Variants in GPHN observed in about 807,000 individuals in gnomAD.
GPHN encodes the protein gephyrin.
Under a neutral mutation model 95.5 loss-of-function variants are expected in GPHN, and 17 were observed. The observed-to-expected ratio is 0.18, with a 90% CI of 0.12 to 0.27. GPHN has a LOEUF of 0.27. Among genes scored for constraint, GPHN ranks in the 10% least tolerant of loss-of-function variants. GPHN has a pLI of 1.00. For synonymous variants in GPHN, 320 were observed against 322.5 expected (o/e 0.99, Z 0.08); for missense variants, 660 against 978.1 (o/e 0.67, Z 4.34).
chr14:67,151,112 A>G (rs2081259685), intron 18 of GPHN, among the ~76,000 whole-genome samples: 1 of 152,214 alleles, frequency 6.6e-6, no homozygotes. Flanking sequence ...CCTTACAGAA[A>G]TAGGAAGGCA....
At chr14:66,988,375 G>A (rs2071167107) in intron 9 of GPHN, among the ~76,000 whole-genome samples, 3 of 151,998 alleles carry the variant, frequency 2.0e-5, no homozygotes, top group African/African-American at 4.8e-5. Context: ...CCCCTTGTTA[G>A]TTATGTCAGC....
chr14:66,682,886 C>T (rs1312571831), intron 2 of GPHN, among the ~76,000 whole-genome samples: 1 of 152,096 alleles, frequency 6.6e-6, no homozygotes, highest in Non-Finnish European at 1.5e-5. Context: ...AAGAACTACA[C>T]TTGAATAATG....
chr14:66,633,979 CTG>C (rs774740273), intron 1 of GPHN, among the ~76,000 whole-genome samples: 145 of 149,536 alleles, frequency 9.7e-4, no homozygotes, highest in Non-Finnish European at 1.8e-3. Context: ...ATATCTATCT[CTG>C]TTTAATTTCT....
At chr14:67,655,660 T>C in the GPHN span, among the ~76,000 whole-genome samples, 1 of 152,196 alleles carries the variant, frequency 6.6e-6, no homozygotes, top group Non-Finnish European at 1.5e-5. Context: ...AATAACAGGA[T>C]ATAAGCAGAT....
chr14:67,556,788 T>C, the GPHN span, among the ~76,000 whole-genome samples: 257 of 152,340 alleles, frequency 1.7e-3, 2 homozygotes, highest in African/African-American at 5.8e-3. Context: ...ATGCACCATT[T>C]CCACTTGGAC....
At chr14:67,220,598 TGAA>T in the GPHN span, among the ~76,000 whole-genome samples, 1 of 152,224 alleles carries the variant, frequency 6.6e-6, no homozygotes, top group African/African-American at 2.4e-5. Context: ...CCTTTAGAAA[TGAA>T]GAATTTACTT....
At chr14:67,379,253 A>G in the GPHN span, among the ~76,000 whole-genome samples, 1 of 152,170 alleles carries the variant, frequency 6.6e-6, no homozygotes, top group Non-Finnish European at 1.5e-5. Context: ...CATAGGATTG[A>G]TTATATATCT....
chr14:67,735,083 G>A, the GPHN span: 10 of 723,544 alleles, frequency 1.4e-5, no homozygotes, highest in South Asian at 5.8e-5. Context: ...ACCAAATATC[G>A]GGAAGCTGAG....
At chr14:66,620,377 A>G (rs967818112) in intron 1 of GPHN, among the ~76,000 whole-genome samples, 2 of 152,188 alleles carry the variant, frequency 1.3e-5, no homozygotes, top group Non-Finnish European at 2.9e-5. Context: ...ATGGACTTAC[A>G]GTTTGATATG....
intron 10 of GPHN, among the ~76,000 whole-genome samples, chr14:67,026,422 C>T (rs1329692617): frequency 6.6e-6 from 1 of 151,996 alleles, no homozygotes; most frequent in African/African-American, 2.4e-5. Flanking sequence ...TTTTATTGAA[C>T]GTTACTGTGT....
chr14:67,155,446 T>G (rs947795588), intron 18 of GPHN, among the ~76,000 whole-genome samples: 2 of 152,204 alleles, frequency 1.3e-5, no homozygotes, highest in Non-Finnish European at 2.9e-5. Flanking sequence ...AGGAAACAAT[T>G]GATAAAGTAG....
intron 4 of GPHN, among the ~76,000 whole-genome samples, chr14:66,826,039 C>T (rs759269277): frequency 1.3e-5 from 2 of 151,924 alleles, no homozygotes; most frequent in East Asian, 1.9e-4. Flanking sequence ...AATCACTTTG[C>T]GTTTATGTAT....
intron 1 of GPHN, among the ~76,000 whole-genome samples, chr14:66,575,287 C>G (rs1231723176): frequency 1.3e-5 from 2 of 152,148 alleles, no homozygotes; most frequent in Non-Finnish European, 2.9e-5. Context: ...GAGGTTTCTG[C>G]TGAGAAATCC....
At chr14:67,677,007 G>A in the GPHN span, 4 of 152,162 alleles carry the variant, frequency 2.6e-5, no homozygotes, top group Admixed American at 6.5e-5. Flanking sequence ...GTCAAAACAA[G>A]TGCAATAAAA....
At chr14:67,478,962 A>C in the GPHN span, among the ~76,000 whole-genome samples, 1 of 152,230 alleles carries the variant, frequency 6.6e-6, no homozygotes, top group Non-Finnish European at 1.5e-5. Context: ...GATTCTGCAA[A>C]GGCATGCATA....
chr14:67,028,228 A>G (rs1434803573), intron 10 of GPHN, among the ~76,000 whole-genome samples: 5 of 152,290 alleles, frequency 3.3e-5, no homozygotes, highest in South Asian at 4.1e-4. Flanking sequence ...ATAGTAGTCC[A>G]TTGTGTGTAT....
At chr14:66,863,714 C>T (rs963993875) in intron 4 of GPHN, among the ~76,000 whole-genome samples, 1 of 152,006 alleles carries the variant, frequency 6.6e-6, no homozygotes, top group African/African-American at 2.4e-5. Context: ...AACATGCACT[C>T]AGGAAAAGAC....
chr14:67,013,503 C>G (rs1235001143), intron 9 of GPHN, among the ~76,000 whole-genome samples: 1 of 151,984 alleles, frequency 6.6e-6, no homozygotes, highest in South Asian at 2.1e-4. Flanking sequence ...TCATGAGAGG[C>G]TTGATTAACA....
intron 1 of GPHN, among the ~76,000 whole-genome samples, chr14:66,563,595 G>A (rs907254694): frequency 6.6e-6 from 1 of 152,104 alleles, no homozygotes; most frequent in African/African-American, 2.4e-5. Context: ...AACTAAGCTG[G>A]TTGTTATAGT....
Sources: allele counts gnomAD v4.1 joint callset (sites outside exome capture counted in the v4.1 genomes callset), GRCh38; gene constraint gnomAD v4.1.1; transcripts MANE v1.5; gene names NCBI Gene and HGNC (gene_info 2026-07-23, HGNC 2026-07-21).